The following STAT5B variants were observed in gnomAD, a reference collection of about 807,000 sequenced individuals.
STAT5B encodes transcription factor STAT5B.
Under a neutral mutation model 107.8 loss-of-function variants are expected in STAT5B, and 21 were observed. The ratio of observed to expected loss-of-function variants is 0.19; its 90% CI spans 0.14 to 0.28. The LOEUF is 0.28. STAT5B is among the 10% of genes least tolerant of loss of function. The pLI is 1.00. For synonymous variants in STAT5B, 325 were observed against 401.7 expected (o/e 0.81, Z 2.28); for missense variants, 565 against 1,008.2 (o/e 0.56, Z 5.95).
chr17:42,244,254 A>ATT (rs556581450), intron 1 of STAT5B, among the ~76,000 whole-genome samples: 4,035 of 132,028 alleles, frequency 0.031, 207 homozygotes, highest in African/African-American at 0.11. Flanking sequence ...TGCCCGGCTA[A>ATT]TTTTTTTTTT....
intron 12 of STAT5B, among the ~76,000 whole-genome samples, chr17:42,213,462 C>T (rs2080145489): frequency 6.6e-6 from 1 of 152,188 alleles, no homozygotes; most frequent in Non-Finnish European, 1.5e-5. Context: ...TTGCCTTGGC[C>T]TCCCAAAGTG....
intron 12 of STAT5B, among the ~76,000 whole-genome samples, chr17:42,215,094 T>C (rs547072245): frequency 1.3e-5 from 2 of 152,314 alleles, no homozygotes; most frequent in East Asian, 1.9e-4. Context: ...GGGATTCAGA[T>C]AGCGTTTGGG....
intron 12 of STAT5B, chr17:42,214,556 T>G (rs2080155357): frequency 1.0e-6 from 1 of 985,350 alleles, no homozygotes; most frequent in African/African-American, 1.7e-5. Flanking sequence ...ATGCTGTCCA[T>G]GCTGTTTTGT....
At chr17:42,233,651 C>G (rs952608086) in intron 1 of STAT5B, among the ~76,000 whole-genome samples, 1 of 151,968 alleles carries the variant, frequency 6.6e-6, no homozygotes, top group African/African-American at 2.4e-5. Context: ...CCACCACGCC[C>G]GGATAATTTT....
At chr17:42,268,614 C>T (rs1406915589) in intron 1 of STAT5B, 2 of 152,090 alleles carry the variant, frequency 1.3e-5, no homozygotes, top group Admixed American at 6.6e-5. Flanking sequence ...ATCCAGTTCT[C>T]ACTATACATA....
At chr17:42,214,539 G>T in intron 12 of STAT5B, 1 of 985,362 alleles carries the variant, frequency 1.0e-6, no homozygotes, top group Non-Finnish European at 1.2e-6. Flanking sequence ...CAACTGGAAG[G>T]TAACCCATGC....
chr17:42,240,133 GAC>G (rs772753527), intron 1 of STAT5B, among the ~76,000 whole-genome samples: 9 of 152,152 alleles, frequency 5.9e-5, no homozygotes, highest in Non-Finnish European at 8.8e-5. Flanking sequence ...AGCACAGCAA[GAC>G]TCTGTCTCAA....
the STAT5B span, among the ~76,000 whole-genome samples, chr17:42,282,529 G>T: frequency 6.6e-6 from 1 of 152,100 alleles, no homozygotes; most frequent in East Asian, 1.9e-4. Flanking sequence ...TCACCATGCT[G>T]AGTCTGTGCT....
At chr17:42,204,173 G>A (rs967445546) in intron 16 of STAT5B, among the ~76,000 whole-genome samples, 8 of 152,188 alleles carry the variant, frequency 5.3e-5, no homozygotes, top group Non-Finnish European at 8.8e-5. Context: ...CCAAGAATGC[G>A]ATGTGTCCTT....
At chr17:42,222,802 C>T (rs1015031083) in intron 5 of STAT5B, among the ~76,000 whole-genome samples, 14 of 151,670 alleles carry the variant, frequency 9.2e-5, no homozygotes, top group South Asian at 8.3e-4. Flanking sequence ...TTGCCTCAGC[C>T]TCCCAAGTAG....
At chr17:42,227,478 G>A (rs758796099) in intron 3 of STAT5B, 51 bp downstream of exon 3, 2 of 1,611,180 alleles carry the variant, frequency 1.2e-6, no homozygotes, top group South Asian at 2.2e-5. Context: ...TCTACAGGAA[G>A]AAGACCCCCA....
intron 1 of STAT5B, among the ~76,000 whole-genome samples, chr17:42,254,345 ACT>A (rs1313529273): frequency 1.3e-5 from 2 of 152,144 alleles, no homozygotes; most frequent in African/African-American, 2.4e-5. Context: ...GCACCACTGC[ACT>A]CTGTCTCTTA....
intron 14 of STAT5B, 35 bp from the exon 15 acceptor site, chr17:42,210,336 G>A: frequency 6.2e-7 from 1 of 1,614,188 alleles, no homozygotes; most frequent in Non-Finnish European, 8.5e-7. Flanking sequence ...GAAGCAGAGT[G>A]TGACTTACGA....
chr17:42,282,102 GT>G, the STAT5B span, among the ~76,000 whole-genome samples: 1 of 152,176 alleles, frequency 6.6e-6, no homozygotes, highest in Non-Finnish European at 1.5e-5. Flanking sequence ...GCCCTGAACC[GT>G]CAAAGCTCCG....
At chr17:42,283,094 C>T in the STAT5B span, among the ~76,000 whole-genome samples, 2 of 152,226 alleles carry the variant, frequency 1.3e-5, no homozygotes, top group African/African-American at 4.8e-5. Context: ...AGATGCTCAG[C>T]CCCCTCGCAC....
chr17:42,238,314 C>CTTT (rs778903836), intron 1 of STAT5B, among the ~76,000 whole-genome samples: 11 of 137,820 alleles, frequency 8.0e-5, no homozygotes, highest in South Asian at 2.3e-4. Context: ...AAGAAAAAAA[C>CTTT]TTTTTTTTTT....
intron 15 of STAT5B, among the ~76,000 whole-genome samples, 192 bp downstream of exon 15, chr17:42,209,979 A>G (rs1208528801): frequency 2.0e-5 from 3 of 152,180 alleles, no homozygotes; most frequent in African/African-American, 7.2e-5. Context: ...GTATAACCAA[A>G]TTAGCAATTG....
intron 1 of STAT5B, chr17:42,271,676 A>G (rs1312299647): frequency 6.6e-6 from 1 of 152,192 alleles, no homozygotes; most frequent in Non-Finnish European, 1.5e-5. Context: ...AAGTAGGTAG[A>G]AAAAGATAAA....
intron 1 of STAT5B, among the ~76,000 whole-genome samples, chr17:42,243,836 G>T (rs2080426092): frequency 6.6e-6 from 1 of 152,100 alleles, no homozygotes; most frequent in African/African-American, 2.4e-5. Context: ...CCACCAGCAT[G>T]CAAGTTGGGC....
Sources: gnomAD v4.1 joint callset for allele counts (sites outside exome capture counted in the v4.1 genomes callset) on GRCh38, gnomAD v4.1.1 for gene constraint, MANE v1.5 for transcripts, NCBI Gene and HGNC (gene_info 2026-07-23, HGNC 2026-07-21) for gene names.